The following ITGB6 variants were observed in gnomAD, a reference collection of about 807,000 sequenced individuals.
ITGB6 encodes the protein integrin subunit beta 6.
A neutral mutation model predicts 84.5 loss-of-function variants in ITGB6; 80 were observed. That is an observed-to-expected ratio of 0.95 (90% CI 0.79 to 1.14). ITGB6 has a LOEUF of 1.14. Ranked by LOEUF, ITGB6 falls within the 50% of genes most tolerant of loss-of-function variation. The probability of loss-of-function intolerance (pLI) is 0.00; values close to 1 mark genes in which losing one functional copy is unlikely to be tolerated. For synonymous variants in ITGB6, 383 were observed against 354.9 expected, an observed-to-expected ratio of 1.08 and a Z score of -0.89; for missense variants, 1,006 against 968.0, an observed-to-expected ratio of 1.04 and a Z score of -0.52.
chr2:160,146,786 C>A (rs1200119916), intron 7 of ITGB6, among the ~76,000 whole-genome samples: 3 of 151,898 alleles, frequency 2.0e-5, no homozygotes, highest in African/African-American at 7.3e-5. Context: ...CAAGCAAATA[C>A]CATCACCCAG....
chr2:160,176,247 C>G (rs1461824483), intron 4 of ITGB6, among the ~76,000 whole-genome samples: 1 of 152,156 alleles, frequency 6.6e-6, no homozygotes, highest in Non-Finnish European at 1.5e-5. Flanking sequence ...TTGAAAAGCT[C>G]TCGCAACCAA....
intron 4 of ITGB6, among the ~76,000 whole-genome samples, chr2:160,191,297 T>C (rs1276491358): frequency 6.6e-6 from 1 of 152,180 alleles, no homozygotes; most frequent in African/African-American, 2.4e-5. Flanking sequence ...TGTATCCATC[T>C]TTCTTTCTTC....
At chr2:160,143,375 G>A (rs1196770659) in intron 7 of ITGB6, among the ~76,000 whole-genome samples, 1 of 152,148 alleles carries the variant, frequency 6.6e-6, no homozygotes, top group African/African-American at 2.4e-5. Flanking sequence ...CCCATACCAA[G>A]TGTGCTCTGA....
chr2:160,108,376 A>G lies in ITGB6; in HGVS notation c.2102-531T>C, dbSNP rs1696995574. 3.3e-5 allele frequency among the ~76,000 whole-genome samples: 5 copies of G among 152,112 alleles called. No individual in the cohort carries two copies. In the South Asian group the frequency reaches 1.0e-3, roughly 32 times the overall value. ...TTACTATTTCCTTCTTTCTTTATAG[A>G]CAGAAGACAATGATGGGTTTCAGTT... is the stretch of plus-strand genomic sequence containing the variant. On this transcript the variant is annotated intron_variant, in intron 13 of 14. Transcript: ENST00000283249.
Position 160,112,009 on chromosome 2 carries a change from G to A in ITGB6, c.2101+71C>T, listed in dbSNP as rs536923566. On this transcript the variant is annotated intron_variant, in intron 13 of 14. Transcript: ENST00000283249. ...TCTTTCCTGGCATGCTACCCAGAGC[G>A]ATTTTCTGGTTGCTTTCTCTTCTCC... 2.6e-5 allele frequency: 39 copies of A among 1,484,404 alleles called. No homozygotes were observed. In the South Asian group the frequency reaches 3.4e-4, roughly 13 times the overall value. The allele number at this position is 1,484,404 out of a possible 1,614,324, so 92.0% of individuals were successfully genotyped here.
chr2:160,101,677 A>T lies in ITGB6; in HGVS notation c.*59T>A. On this transcript the variant is annotated 3_prime_UTR_variant, in exon 15 of 15. Transcript: ENST00000283249. ...TTGAAGCAACAAAGAGAAAAAAATT[A>T]AATAGTGCATTAACATTTCATATCA... The T allele has an allele frequency of 5.2e-6, 5 of 953,434 alleles. No homozygotes were observed. Among genetic ancestry groups the T allele is most frequent in the Non-Finnish European group, 8.5e-6 (5 of 589,102 alleles). 59.1% of individuals were successfully genotyped at this position (953,434 alleles called of 1,614,324 possible).
intron 4 of ITGB6, among the ~76,000 whole-genome samples, chr2:160,175,304 C>G (rs1233300116): frequency 3.3e-5 from 5 of 152,186 alleles, no homozygotes; most frequent in Non-Finnish European, 7.3e-5. Flanking sequence ...GTGAATTCAC[C>G]TAGTTGCTAA....
chr2:160,146,955 C>T (rs1188053266), intron 7 of ITGB6, among the ~76,000 whole-genome samples: 1 of 151,648 alleles, frequency 6.6e-6, no homozygotes, highest in Non-Finnish European at 1.5e-5. Flanking sequence ...CAGAAATTAG[C>T]CTGGCATGTT....
intron 12 of ITGB6, among the ~76,000 whole-genome samples, chr2:160,117,112 GAA>G (rs932361301): frequency 1.4e-4 from 21 of 151,802 alleles, no homozygotes; most frequent in Non-Finnish European, 2.2e-4. Flanking sequence ...CAACGAGACA[GAA>G]AGTTAACAAG....
chr2:160,146,485 G>A (rs2105831020), intron 7 of ITGB6, among the ~76,000 whole-genome samples: 1 of 152,142 alleles, frequency 6.6e-6, no homozygotes, highest in African/African-American at 2.4e-5. Context: ...TTCTAATCTG[G>A]AAATAGACTT....
chr2:160,102,117 C>G (rs1364775105), intron 14 of ITGB6, among the ~76,000 whole-genome samples: 1 of 152,184 alleles, frequency 6.6e-6, no homozygotes, highest in Non-Finnish European at 1.5e-5. Flanking sequence ...GTTGTGCTCA[C>G]TGCTGTTTTC....
At chr2:160,110,173 G>A (rs1292239855) in intron 13 of ITGB6, among the ~76,000 whole-genome samples, 1 of 152,122 alleles carries the variant, frequency 6.6e-6, no homozygotes, top group Non-Finnish European at 1.5e-5. Flanking sequence ...GGGGCTCCAG[G>A]CCAGGCTGCC....
At chr2:160,159,614 A>G (rs1684747177) in intron 7 of ITGB6, among the ~76,000 whole-genome samples, 1 of 151,014 alleles carries the variant, frequency 6.6e-6, no homozygotes, top group Non-Finnish European at 1.5e-5. Context: ...ACCCCTACTC[A>G]CTCCAGGCCA....
At chr2:160,184,002 A>C (rs1287406296) in intron 4 of ITGB6, among the ~76,000 whole-genome samples, 2 of 152,156 alleles carry the variant, frequency 1.3e-5, no homozygotes, top group Admixed American at 1.3e-4. Context: ...AAATTTATAG[A>C]ACTAAATGCC....
At chr2:160,177,383 G>A (rs774214853) in intron 4 of ITGB6, among the ~76,000 whole-genome samples, 4 of 151,886 alleles carry the variant, frequency 2.6e-5, no homozygotes, top group Non-Finnish European at 4.4e-5. Context: ...TGGCTAACAC[G>A]GTGAAACCCC....
At chr2:160,178,559 G>A (rs529787530) in intron 4 of ITGB6, among the ~76,000 whole-genome samples, 10 of 152,312 alleles carry the variant, frequency 6.6e-5, no homozygotes, top group African/African-American at 2.4e-4. Flanking sequence ...AGAAATTCAA[G>A]TGATAGGAGA....
intron 10 of ITGB6, among the ~76,000 whole-genome samples, chr2:160,132,656 A>C (rs1429252105): frequency 1.3e-5 from 2 of 152,168 alleles, no homozygotes; most frequent in Non-Finnish European, 2.9e-5. Flanking sequence ...CTATAAGACA[A>C]ATTTATACTG....
chr2:160,119,436 A>G (rs1376739043), intron 12 of ITGB6, among the ~76,000 whole-genome samples: 2 of 152,050 alleles, frequency 1.3e-5, no homozygotes. Flanking sequence ...TGTTTAATAA[A>G]TGGTGATGGG....
chr2:160,136,547 C>A (rs1340304838), intron 10 of ITGB6, among the ~76,000 whole-genome samples: 1 of 152,210 alleles, frequency 6.6e-6, no homozygotes, highest in Non-Finnish European at 1.5e-5. Context: ...CATCCCATTA[C>A]TGGGTATATA....
Sources: allele counts gnomAD v4.1 joint callset (sites outside exome capture counted in the v4.1 genomes callset), GRCh38; gene constraint gnomAD v4.1.1; transcripts MANE v1.5; gene names NCBI Gene and HGNC (gene_info 2026-07-23, HGNC 2026-07-21).